CDH13: variants seen among roughly 807,000 people sequenced by gnomAD.
The protein encoded by CDH13 is cadherin-13.
CDH13 carries 24 observed loss-of-function variants against 63.8 expected under a neutral mutation model. That is an observed-to-expected ratio of 0.38 (90% CI 0.27 to 0.53). The LOEUF (loss-of-function observed/expected upper bound fraction) is 0.53, where lower values mean the gene tolerates loss of function less well. CDH13 is among the 20% of genes least tolerant of loss of function. The pLI, the probability that CDH13 is intolerant of heterozygous loss-of-function variation, is 0.85. For missense variants in CDH13, 1,049 were observed against 903.1 expected (o/e 1.16, Z -2.07); for synonymous variants, 503 against 355.3 (o/e 1.42, Z -4.67).
intron 1 of CDH13, among the ~76,000 whole-genome samples, chr16:82,698,758 C>T (rs1383303446): frequency 6.6e-6 from 1 of 152,312 alleles, no homozygotes; most frequent in East Asian, 1.9e-4. Context: ...ACATTTTTTA[C>T]AATCTATTAC....
At chr16:83,397,033 C>G (rs759465235) in intron 6 of CDH13, among the ~76,000 whole-genome samples, 2 of 152,126 alleles carry the variant, frequency 1.3e-5, no homozygotes, top group Non-Finnish European at 2.9e-5. Context: ...GCTAAAAAGC[C>G]TGCAGCTGTG....
At chr16:82,988,281 C>T (rs535245151) in intron 2 of CDH13, among the ~76,000 whole-genome samples, 2 of 152,286 alleles carry the variant, frequency 1.3e-5, no homozygotes, top group African/African-American at 4.8e-5. Flanking sequence ...GAATGAAATG[C>T]ACTGGGGGCA....
intron 7 of CDH13, among the ~76,000 whole-genome samples, chr16:83,553,802 C>T (rs1042449175): frequency 2.0e-5 from 3 of 152,240 alleles, no homozygotes; most frequent in Non-Finnish European, 2.9e-5. Context: ...GGTGATCCAC[C>T]TGCCTTGGCC....
chr16:83,269,143 C>T (rs2088718036), intron 5 of CDH13, among the ~76,000 whole-genome samples: 1 of 152,184 alleles, frequency 6.6e-6, no homozygotes, highest in Non-Finnish European at 1.5e-5. Flanking sequence ...CTGCTTTTCT[C>T]TCCTAGTTTT....
intron 7 of CDH13, among the ~76,000 whole-genome samples, chr16:83,584,236 G>A (rs1162956946): frequency 3.3e-5 from 5 of 152,122 alleles, no homozygotes; most frequent in African/African-American, 1.2e-4. Context: ...GGCTGAGGCA[G>A]GAGAATGGCG....
intron 4 of CDH13, among the ~76,000 whole-genome samples, chr16:83,201,447 A>G (rs958209075): frequency 2.0e-4 from 30 of 151,600 alleles, no homozygotes; most frequent in Admixed American, 1.9e-3. Flanking sequence ...AGAGATGAGT[A>G]TAAATTGAGA....
chr16:83,391,943 A>T lies in CDH13; in HGVS notation c.781+46937A>T, dbSNP rs1027187352. On this transcript the variant is annotated intron_variant, in intron 6 of 13. Coordinates refer to ENST00000567109, the MANE Select transcript of CDH13 (RefSeq NM_001257.5). ...AAGATTTTTTTTCTCCCCCACCCAA[A>T]GACTGTTTATCAGGGTCATTCGAAA... Among the ~76,000 whole-genome samples the T allele has an allele frequency of 6.6e-5, 10 of 152,160 alleles. No homozygotes were observed. The East Asian group carries it at 1.7e-3, about 26-fold the overall frequency.
intron 5 of CDH13, among the ~76,000 whole-genome samples, chr16:83,317,133 A>G (rs942038894): frequency 3.9e-5 from 6 of 152,258 alleles, no homozygotes; most frequent in Admixed American, 2.0e-4. Context: ...TACAATGCCC[A>G]GAAAAGTCAC....
At chr16:83,487,959 AC>A (rs1265505507) in intron 7 of CDH13, among the ~76,000 whole-genome samples, 1 of 151,836 alleles carries the variant, frequency 6.6e-6, no homozygotes, top group Admixed American at 6.6e-5. Context: ...ATCTCTGACT[AC>A]TCTTGCCTGT....
In CDH13 at chr16:83,014,786, A is replaced by G. The variant is rs1321555213; in HGVS notation, c.158-17224A>G. Among the ~76,000 whole-genome samples, 3 of 82,642 alleles carry G rather than the reference A, an allele frequency of 3.6e-5. No individual in the cohort carries two copies. In the Admixed American group the frequency reaches 4.2e-4, roughly 12 times the overall value. 54.2% of individuals were successfully genotyped at this position (82,642 alleles called of 152,430 possible). ...TATATATATATATATGTATATATAT[A>G]TATTTGTATATATATATGTATATAT... On this transcript the variant is annotated intron_variant, in intron 2 of 13. Transcript: ENST00000567109.
chr16:83,011,754 T>C (rs1337213670), intron 2 of CDH13, among the ~76,000 whole-genome samples: 1 of 152,192 alleles, frequency 6.6e-6, no homozygotes, highest in Non-Finnish European at 1.5e-5. Flanking sequence ...TTTCCAATGC[T>C]CTTCAGCAAT....
rs186951127 is a variant in CDH13 at position 83,312,663 on chromosome 16, C to T, written c.637-32199C>T. Among the ~76,000 whole-genome samples the T allele has an allele frequency of 2.2e-3, 341 of 152,266 alleles. 1 individual carries two copies. The highest frequency in any genetic ancestry group is 7.4e-3 in the African/African-American group (309 of 41,562). On this transcript the variant is annotated intron_variant, in intron 5 of 13. Transcript: ENST00000567109. Reference sequence around the variant, plus strand: ...GTAATGGCCAAAGATAAGCAGAATGCTGCTGATGTTAGAAGAGGGACAGGA... The same window carrying T: ...GTAATGGCCAAAGATAAGCAGAATGTTGCTGATGTTAGAAGAGGGACAGGA...
At chr16:83,242,785 G>T (rs1161805584) in intron 5 of CDH13, among the ~76,000 whole-genome samples, 1 of 152,190 alleles carries the variant, frequency 6.6e-6, no homozygotes, top group Non-Finnish European at 1.5e-5. Context: ...CAGCAGGATG[G>T]AGAATGACTG....
chr16:82,722,934 C>T lies in CDH13; in HGVS notation c.45+95797C>T, dbSNP rs371708939. On this transcript the variant is annotated intron_variant, in intron 1 of 13. Transcript: ENST00000567109. ...CCTGGGGCCAAGGCACATGTTTTCT[C>T]ACATTTCTATTTTAAGAGTCAATAA... 6 of 152,194 alleles carry T rather than the reference C, an allele frequency of 3.9e-5. No individual in the cohort carries two copies. In the East Asian group the frequency reaches 1.2e-3, roughly 29 times the overall value. 9.4% of individuals were successfully genotyped at this position (152,194 alleles called of 1,614,324 possible).
intron 2 of CDH13, among the ~76,000 whole-genome samples, chr16:82,928,675 C>T (rs1178853240): frequency 6.6e-6 from 1 of 152,090 alleles, no homozygotes; most frequent in Non-Finnish European, 1.5e-5. Flanking sequence ...TAAAAACTCC[C>T]CAAGTTTCAG....
At chr16:82,740,061 G>A (rs1011186036) in intron 1 of CDH13, among the ~76,000 whole-genome samples, 2 of 152,082 alleles carry the variant, frequency 1.3e-5, no homozygotes, top group Non-Finnish European at 2.9e-5. Context: ...GAATGTGGAC[G>A]CCTATTACAA....
chr16:82,792,136 C>A (rs986536245), intron 1 of CDH13, among the ~76,000 whole-genome samples: 1 of 152,146 alleles, frequency 6.6e-6, no homozygotes, highest in Admixed American at 6.5e-5. Flanking sequence ...AACCATCCAT[C>A]TCTGAGCCAT....
intron 1 of CDH13, among the ~76,000 whole-genome samples, chr16:82,771,226 T>C (rs1425979094): frequency 6.6e-6 from 1 of 152,222 alleles, no homozygotes; most frequent in Non-Finnish European, 1.5e-5. Context: ...GAAATCAAGG[T>C]GCTTTCCAGT....
At chr16:82,938,620 G>C (rs1466322501) in intron 2 of CDH13, among the ~76,000 whole-genome samples, 2 of 152,200 alleles carry the variant, frequency 1.3e-5, no homozygotes, top group Non-Finnish European at 2.9e-5. Flanking sequence ...ATGGGTTTGT[G>C]TGTGTCTTAA....
Sources: gnomAD v4.1 joint callset for allele counts (sites outside exome capture counted in the v4.1 genomes callset) on GRCh38, gnomAD v4.1.1 for gene constraint, MANE v1.5 for transcripts, NCBI Gene and HGNC (gene_info 2026-07-23, HGNC 2026-07-21) for gene names.